The following WDR41 variants were observed in gnomAD, a reference collection of about 807,000 sequenced individuals.
WDR41 encodes the protein WD repeat domain 41.
Under a neutral mutation model 69.3 loss-of-function variants are expected in WDR41, and 63 were observed. The ratio of observed to expected loss-of-function variants is 0.91; its 90% CI spans 0.74 to 1.12. The LOEUF is 1.12. Ranked by LOEUF, WDR41 falls within the 50% of genes most tolerant of loss-of-function variation. The probability of loss-of-function intolerance (pLI) is 0.00; values close to 1 mark genes in which losing one functional copy is unlikely to be tolerated. For synonymous variants in WDR41, 185 were observed against 192.1 expected, an observed-to-expected ratio of 0.96 and a Z score of 0.31; for missense variants, 543 against 534.5, an observed-to-expected ratio of 1.02 and a Z score of -0.16.
At chr5:77,536,824 C>G (rs1379022471) in intron 1 of WDR41, among the ~76,000 whole-genome samples, 1 of 152,154 alleles carries the variant, frequency 6.6e-6, no homozygotes, top group East Asian at 1.9e-4. Flanking sequence ...GATGTTCGCA[C>G]CATGATGAAA....
chr5:77,587,786 C>CATTAGGACACATGGAG (rs1444701525), intron 1 of WDR41, among the ~76,000 whole-genome samples: 6 of 152,078 alleles, frequency 3.9e-5, no homozygotes, highest in South Asian at 2.1e-4. Context: ...TATAAAATGA[C>CATTAGGACACATGGAG]ATTAGGACAC....
intron 1 of WDR41, among the ~76,000 whole-genome samples, chr5:77,573,247 T>TTC (rs139734736): frequency 3.0e-4 from 45 of 150,392 alleles, no homozygotes; most frequent in East Asian, 7.8e-4. Context: ...TACTACCAGA[T>TTC]TCTCTCTCTC....
chr5:77,530,042 A>G (rs577696868), intron 1 of WDR41, among the ~76,000 whole-genome samples: 108 of 151,290 alleles, frequency 7.1e-4, no homozygotes, highest in African/African-American at 2.4e-3. Flanking sequence ...AATAAGAAAA[A>G]GCCAGTCACA....
chr5:77,611,816 A>T (rs928298382), intron 1 of WDR41, among the ~76,000 whole-genome samples: 2 of 151,986 alleles, frequency 1.3e-5, no homozygotes, highest in African/African-American at 4.8e-5. Flanking sequence ...GGAAATAGAG[A>T]CACAAAAAAC....
chr5:77,594,911 G>A (rs565454027), intron 1 of WDR41, among the ~76,000 whole-genome samples: 5 of 152,292 alleles, frequency 3.3e-5, no homozygotes, highest in African/African-American at 1.2e-4. Context: ...CAGAGCATTA[G>A]AAAATAGATT....
At chr5:77,594,194 T>G (rs1744178704) in intron 1 of WDR41, among the ~76,000 whole-genome samples, 1 of 138,340 alleles carries the variant, frequency 7.2e-6, no homozygotes. Flanking sequence ...ATGTTCTCAC[T>G]CACAGGTGGG....
At chr5:77,530,785 T>C (rs1336608822) in intron 1 of WDR41, among the ~76,000 whole-genome samples, 2 of 151,840 alleles carry the variant, frequency 1.3e-5, no homozygotes, top group African/African-American at 4.8e-5. Flanking sequence ...TTGAATTCTA[T>C]TTAATGATAT....
In WDR41 at chr5:77,436,249, A is replaced by T. The variant is rs558007488; in HGVS notation, c.1227+12T>A. 6.2e-7 allele frequency: 1 copy of T among 1,604,564 alleles called. No individual in the cohort carries two copies. The highest frequency in any genetic ancestry group is 8.5e-7 in the Non-Finnish European group (1 of 1,173,742). ...GGAGTTGCTTGGACATTCTGTGGCT[A>T]AACAGCAATACCTCCACAGATGATG... On this transcript the variant is annotated intron_variant, in intron 12 of 12. Coordinates refer to ENST00000296679, the MANE Select transcript of WDR41 (RefSeq NM_018268.4).
At position 77,583,224 on chromosome 5, in the gene WDR41, A is replaced by T. The variant is rs183838239; in HGVS notation, c.42+37255T>A. ...AAGTGCAGAGGTTGAATTAGTAATT[A>T]AAAAAGCTACCCACAGGCCAGGCGC... On this transcript the variant is annotated intron_variant, in intron 1 of 5. Coordinates refer to the WDR41 transcript ENST00000509971. 516 of 698,620 alleles carry T rather than the reference A, an allele frequency of 7.4e-4. 3 individuals are homozygous for T. The African/African-American group carries it at 8.0e-3, about 11-fold the overall frequency. 43.3% of individuals were successfully genotyped at this position (698,620 alleles called of 1,614,324 possible).
Position 77,432,682 on chromosome 5 carries a change from C to T in WDR41, c.*453G>A, listed in dbSNP as rs143363183. 3.9e-5 allele frequency: 6 copies of T among 152,548 alleles called. No homozygotes were observed. The highest frequency in any genetic ancestry group is 1.4e-4 in the African/African-American group (6 of 41,548). The allele number at this position is 152,548 out of a possible 1,614,324, so 9.4% of individuals were successfully genotyped here. On this transcript the variant is annotated 3_prime_UTR_variant, in exon 13 of 13. Coordinates refer to ENST00000296679, the MANE Select transcript of WDR41 (RefSeq NM_018268.4). ...ACAGTATATATGTTCCCTTTTTTGG[C>T]TGAGAGATTCAAGTTTGTGCTATAT...
At chr5:77,474,806 G>A (rs1276946141) in intron 2 of WDR41, among the ~76,000 whole-genome samples, 2 of 152,188 alleles carry the variant, frequency 1.3e-5, no homozygotes, top group Non-Finnish European at 2.9e-5. Context: ...TACAGTAGGA[G>A]GAGGAGCCAA....
intron 1 of WDR41, among the ~76,000 whole-genome samples, chr5:77,576,480 A>G (rs1045531865): frequency 2.2e-4 from 34 of 152,130 alleles, no homozygotes; most frequent in Admixed American, 3.9e-4. Context: ...CATTTATGCC[A>G]AATATTCCTT....
chr5:77,602,005 CATT>C (rs914603012), intron 1 of WDR41, among the ~76,000 whole-genome samples: 5 of 152,294 alleles, frequency 3.3e-5, no homozygotes, highest in African/African-American at 7.2e-5. Flanking sequence ...ATATACAAAA[CATT>C]GTTGTTAACT....
intron 4 of WDR41, among the ~76,000 whole-genome samples, chr5:77,462,023 A>G (rs1473373271): frequency 6.6e-6 from 1 of 152,176 alleles, no homozygotes; most frequent in Admixed American, 6.5e-5. Flanking sequence ...CTCTGCAGTC[A>G]GACTTGCCAG....
intron 4 of WDR41, among the ~76,000 whole-genome samples, chr5:77,460,500 C>T (rs1271060113): frequency 6.6e-6 from 1 of 152,050 alleles, no homozygotes; most frequent in Admixed American, 6.6e-5. Flanking sequence ...CTAAGGCTAT[C>T]GCTTTAAAAA....
At chr5:77,602,614 T>C (rs757139835) in intron 1 of WDR41, among the ~76,000 whole-genome samples, 2 of 152,206 alleles carry the variant, frequency 1.3e-5, no homozygotes, top group Admixed American at 6.5e-5. Context: ...TAGTATTCCA[T>C]TGTGTACATA....
At chr5:77,475,507 C>G (rs1009682989) in intron 2 of WDR41, among the ~76,000 whole-genome samples, 1 of 152,180 alleles carries the variant, frequency 6.6e-6, no homozygotes, top group Non-Finnish European at 1.5e-5. Context: ...AAGTGGGTCC[C>G]TGACCCCTGA....
At chr5:77,529,441 A>G (rs1012893810) in intron 1 of WDR41, among the ~76,000 whole-genome samples, 3 of 151,708 alleles carry the variant, frequency 2.0e-5, no homozygotes, top group Admixed American at 1.3e-4. Flanking sequence ...AAAGATGTCA[A>G]TTCTCCCCCA....
At chr5:77,569,552 T>C (rs1743694894) in intron 1 of WDR41, among the ~76,000 whole-genome samples, 1 of 152,108 alleles carries the variant, frequency 6.6e-6, no homozygotes, top group South Asian at 2.1e-4. Flanking sequence ...ACAAAAGCCA[T>C]TTATATTCAG....
Sources: gnomAD v4.1 joint callset for allele counts (sites outside exome capture counted in the v4.1 genomes callset) on GRCh38, gnomAD v4.1.1 for gene constraint, MANE v1.5 for transcripts, NCBI Gene and HGNC (gene_info 2026-07-23, HGNC 2026-07-21) for gene names.